LARGE1: variants seen among roughly 807,000 people sequenced by gnomAD.
LARGE1 encodes the protein xylosyl- and glucuronyltransferase LARGE1.
A neutral mutation model predicts 87.6 loss-of-function variants in LARGE1; 43 were observed. The ratio of observed to expected loss-of-function variants is 0.49; its 90% CI spans 0.38 to 0.63. The LOEUF is 0.63. LARGE1 is among the 30% of genes least tolerant of loss of function. LARGE1 has a pLI of 0.00. For synonymous variants in LARGE1, 434 were observed against 394.6 expected, an observed-to-expected ratio of 1.10 and a Z score of -1.18; for missense variants, 802 against 1,000.2, an observed-to-expected ratio of 0.80 and a Z score of 2.67.
At chr22:33,680,644 T>A (rs926196753) in intron 2 of LARGE1, among the ~76,000 whole-genome samples, 3 of 152,148 alleles carry the variant, frequency 2.0e-5, no homozygotes, top group Non-Finnish European at 4.4e-5. Context: ...TGTTAGCTTT[T>A]GGAGAGGGTG....
intron 9 of LARGE1, among the ~76,000 whole-genome samples, chr22:33,358,743 T>C (rs1258066099): frequency 6.6e-6 from 1 of 152,024 alleles, no homozygotes; most frequent in African/African-American, 2.4e-5. Flanking sequence ...TCACAGCACT[T>C]TGGGAGGCCG....
At chr22:33,843,781 T>C (rs934290002) in intron 1 of LARGE1, among the ~76,000 whole-genome samples, 3 of 152,126 alleles carry the variant, frequency 2.0e-5, no homozygotes, top group Non-Finnish European at 4.4e-5. Context: ...GTTCCCACAG[T>C]CTGTTCCCGG....
chr22:33,158,466 T>A (rs2146112615), downstream of LARGE1, among the ~76,000 whole-genome samples: 2 of 152,228 alleles, frequency 1.3e-5, no homozygotes, highest in Middle Eastern at 6.8e-3. Context: ...AACAAAAAAA[T>A]AAATATTAAG....
At chr22:33,450,439 T>C (rs1484501874) in intron 6 of LARGE1, among the ~76,000 whole-genome samples, 4 of 113,866 alleles carry the variant, frequency 3.5e-5, no homozygotes, top group Non-Finnish European at 5.5e-5. Context: ...CCATCTCTAC[T>C]AAAAATACAA....
At chr22:33,387,471 A>C (rs1250734086) in intron 7 of LARGE1, among the ~76,000 whole-genome samples, 1 of 147,394 alleles carries the variant, frequency 6.8e-6, no homozygotes, top group Non-Finnish European at 1.5e-5. Context: ...CATTAATCTT[A>C]TTACAAAAAT....
At chr22:33,782,596 G>T (rs2085457236) in intron 1 of LARGE1, among the ~76,000 whole-genome samples, 2 of 152,148 alleles carry the variant, frequency 1.3e-5, no homozygotes. Flanking sequence ...GCTGGGCGCG[G>T]TGGCTCATGC....
intron 1 of LARGE1, among the ~76,000 whole-genome samples, chr22:33,794,880 A>G (rs2085932942): frequency 6.6e-6 from 1 of 151,574 alleles, no homozygotes. Flanking sequence ...TCCGCCTCCC[A>G]AAGTGCTGGG....
At chr22:33,868,264 G>A (rs978438204) in intron 1 of LARGE1, among the ~76,000 whole-genome samples, 2 of 152,146 alleles carry the variant, frequency 1.3e-5, no homozygotes, top group African/African-American at 4.8e-5. Context: ...AGCCGGCCTC[G>A]TCGGAAGCAG....
At chr22:33,797,583 C>T (rs2086026440) in intron 1 of LARGE1, among the ~76,000 whole-genome samples, 1 of 152,142 alleles carries the variant, frequency 6.6e-6, no homozygotes, top group Admixed American at 6.5e-5. Flanking sequence ...GAGGACAGAG[C>T]CTAGGAAACC....
chr22:33,363,797 G>A lies in LARGE1; in HGVS notation c.1131+18122C>T, dbSNP rs1361454593. Among the ~76,000 whole-genome samples the A allele has an allele frequency of 2.0e-5, 3 of 149,898 alleles. 1 individual carries two copies. Among genetic ancestry groups the A allele is most frequent in the Non-Finnish European group, 1.5e-5 (1 of 67,180 alleles). On this transcript the variant is annotated intron_variant, in intron 9 of 14. Transcript: ENST00000397394. The stretch of plus-strand genomic sequence containing the variant: ...TAAAATTAGGGCGACTTGAACACAA[G>A]CATTGCGATCCCAGAGAGTCAATCT...
intron 2 of LARGE1, among the ~76,000 whole-genome samples, chr22:33,652,567 C>T (rs2080851755): frequency 6.6e-6 from 1 of 152,052 alleles, no homozygotes; most frequent in Non-Finnish European, 1.5e-5. Context: ...GGTTACCAAG[C>T]AAAAAAAGCA....
rs144010870 is a variant in LARGE1, at chr22:33,680,155, G to A, written c.107-29487C>T. The stretch of plus-strand genomic sequence containing the variant: ...CCAGTTTTAAACACAGAGTTCCCTT[G>A]GAGTCTGTGAACACTGATGAAGGGC... On this transcript the variant is annotated intron_variant, in intron 2 of 14. Transcript: ENST00000397394. 5.2e-3 allele frequency among the ~76,000 whole-genome samples: 794 copies of A among 152,230 alleles called. 6 individuals carry two copies. The highest frequency in any genetic ancestry group is 7.8e-3 in the Admixed American group (119 of 15,302).
At chr22:33,775,774 C>T (rs2085214440) in intron 1 of LARGE1, among the ~76,000 whole-genome samples, 1 of 151,354 alleles carries the variant, frequency 6.6e-6, no homozygotes, top group African/African-American at 2.4e-5. Flanking sequence ...ATCACTTGAA[C>T]CCAGGAGGTG....
At chr22:33,578,688 C>T (rs2078424367) in intron 5 of LARGE1, among the ~76,000 whole-genome samples, 1 of 152,146 alleles carries the variant, frequency 6.6e-6, no homozygotes, top group African/African-American at 2.4e-5. Flanking sequence ...ATCAGATTTG[C>T]CTCTTTCCAA....
intron 7 of LARGE1, among the ~76,000 whole-genome samples, chr22:33,430,457 T>C (rs557763465): frequency 6.6e-6 from 1 of 152,254 alleles, no homozygotes; most frequent in South Asian, 2.1e-4. Context: ...GACTTCCCCA[T>C]CATCCAGCAA....
rs117438255 is a variant in LARGE1 at position 33,720,330 on chromosome 22, G to A, written c.106+41041C>T. On this transcript the variant is annotated intron_variant, in intron 2 of 14. Coordinates refer to ENST00000397394, the MANE Select transcript of LARGE1 (RefSeq NM_133642.5). Reference sequence around the variant, plus strand: ...CAGGAGGCGGAGCTCACGGGGTAACGGGAGTGATGGGGAGTGGCTGTAAAT... The same window carrying A: ...CAGGAGGCGGAGCTCACGGGGTAACAGGAGTGATGGGGAGTGGCTGTAAAT... Among the ~76,000 whole-genome samples the A allele has an allele frequency of 8.3e-3, 1,267 of 152,208 alleles. 84 individuals are homozygous for A. The East Asian group carries it at 0.17, about 20-fold the overall frequency.
At chr22:33,295,144 T>C (rs1484224361) in intron 12 of LARGE1, among the ~76,000 whole-genome samples, 3 of 152,320 alleles carry the variant, frequency 2.0e-5, no homozygotes, top group South Asian at 4.1e-4. Flanking sequence ...TTCTCGTGGA[T>C]GCTCGTAAGA....
chr22:33,606,071 T>C (rs1397456817), intron 4 of LARGE1, among the ~76,000 whole-genome samples: 2 of 152,106 alleles, frequency 1.3e-5, no homozygotes, highest in African/African-American at 2.4e-5. Flanking sequence ...GGCTCCAGGG[T>C]TGGAGCAGAG....
At chr22:33,190,889 C>G (rs1266729275) in intron 11 of LARGE1, among the ~76,000 whole-genome samples, 1 of 152,198 alleles carries the variant, frequency 6.6e-6, no homozygotes, top group Admixed American at 6.5e-5. Flanking sequence ...CATCTTGTAT[C>G]CTGGGAAATC....
Sources: gnomAD v4.1 joint callset for allele counts (sites outside exome capture counted in the v4.1 genomes callset) on GRCh38, gnomAD v4.1.1 for gene constraint, MANE v1.5 for transcripts, NCBI Gene and HGNC (gene_info 2026-07-23, HGNC 2026-07-21) for gene names.